Variants in NACC1 observed in about 807,000 individuals in gnomAD.
NACC1 encodes nucleus accumbens-associated protein 1.
A neutral mutation model predicts 41.7 loss-of-function variants in NACC1; 6 were observed. The observed-to-expected ratio is 0.14, with a 90% CI of 0.08 to 0.28. The LOEUF is 0.28. NACC1 is among the 10% of genes least tolerant of loss of function. The pLI is 1.00. For synonymous variants in NACC1, 338 were observed against 330.6 expected, an observed-to-expected ratio of 1.02 and a Z score of -0.24; for missense variants, 434 against 763.7, an observed-to-expected ratio of 0.57 and a Z score of 5.09.
chr19:13,127,647 A>T (rs1013343185), intron 1 of NACC1, among the ~76,000 whole-genome samples: 2 of 150,740 alleles, frequency 1.3e-5, no homozygotes, highest in African/African-American at 4.9e-5. Context: ...CCACCACTGC[A>T]CTCCAGCCTG....
chr19:13,126,034 G>T (rs1394781785), intron 1 of NACC1, among the ~76,000 whole-genome samples: 2 of 151,300 alleles, frequency 1.3e-5, no homozygotes, highest in Non-Finnish European at 2.9e-5. Context: ...ACCATACCTG[G>T]CTGAAAGGCC....
At chr19:13,125,595 T>TCACG (rs2019552066) in intron 1 of NACC1, among the ~76,000 whole-genome samples, 19 of 152,020 alleles carry the variant, frequency 1.2e-4, no homozygotes, top group Admixed American at 1.2e-3. Flanking sequence ...TAATTTTGTA[T>TCACG]TTTTAGTAGA....
chr19:13,134,047 A>T (rs970923757), intron 1 of NACC1, among the ~76,000 whole-genome samples: 1 of 151,994 alleles, frequency 6.6e-6, no homozygotes, highest in Non-Finnish European at 1.5e-5. Flanking sequence ...GTTTTCATGT[A>T]AGTTATTTAT....
chr19:13,129,402 G>A (rs2145618056), intron 1 of NACC1, among the ~76,000 whole-genome samples: 1 of 152,186 alleles, frequency 6.6e-6, no homozygotes, highest in South Asian at 2.1e-4. Context: ...CTTCTTGCAG[G>A]GGCCCACATA....
intron 1 of NACC1, among the ~76,000 whole-genome samples, chr19:13,125,430 T>A: frequency 7.6e-6 from 1 of 132,396 alleles, no homozygotes; most frequent in Non-Finnish European, 1.7e-5. Context: ...TTTTTTTTTT[T>A]TTTTGGTGAG....
rs752840729 is a variant in NACC1, at chr19:13,138,417, C to A, written c.*11C>A. The A allele has an allele frequency of 6.2e-7, 1 of 1,606,922 alleles. No homozygotes were observed. Among genetic ancestry groups the A allele is most frequent in the East Asian group, 2.2e-5 (1 of 44,826 alleles). On this transcript the variant is annotated 3_prime_UTR_variant, in exon 6 of 6. Coordinates refer to ENST00000292431, the MANE Select transcript of NACC1 (RefSeq NM_052876.4). This position sits in a 1 kb window ranked among gnomAD's most constrained non-coding sequence, Gnocchi z 5.7. ...GAAGCCCTGCAGTAACCCGCCCAGCCTCCCGCGGGGCCACACACTTCCCCT... is the reference window on the plus strand; with the variant it reads ...GAAGCCCTGCAGTAACCCGCCCAGCATCCCGCGGGGCCACACACTTCCCCT...
chr19:13,132,446 G>C (rs2019645890), intron 1 of NACC1: 1 of 151,628 alleles, frequency 6.6e-6, no homozygotes, highest in Non-Finnish European at 1.5e-5. Flanking sequence ...GGGATTACAG[G>C]CTTGAGTCAT....
chr19:13,123,341 C>T (rs1194133929), intron 1 of NACC1, among the ~76,000 whole-genome samples: 2 of 152,102 alleles, frequency 1.3e-5, no homozygotes, highest in African/African-American at 4.8e-5. Flanking sequence ...GGGCAGGCTG[C>T]GAGCTCCATG....
At chr19:13,117,228 G>A (rs1445758802), upstream of NACC1, 1 of 152,240 alleles carries the variant, frequency 6.6e-6, no homozygotes, top group Non-Finnish European at 1.5e-5. Flanking sequence ...TCTAACCAGT[G>A]TATGAAGGCA....
intron 1 of NACC1, among the ~76,000 whole-genome samples, chr19:13,124,907 C>A (rs1303096847): frequency 6.6e-6 from 1 of 151,668 alleles, no homozygotes; most frequent in Admixed American, 6.6e-5. Context: ...AGTGAGACCT[C>A]ATCTTTACAA....
Position 13,136,565 on chromosome 19 carries a change from T to G in NACC1, c.1120+160T>G, listed in dbSNP as rs1317139237. Among the ~76,000 whole-genome samples, 1 of 152,048 alleles carries G rather than the reference T, an allele frequency of 6.6e-6. No homozygotes were observed. Among genetic ancestry groups the G allele is most frequent in the Non-Finnish European group, 1.5e-5 (1 of 67,988 alleles). ...CCTAAGGGTGGGGGCGTTGGTGAGATGGAGGAGCTGATACAGCAAGGCCTG... is the reference window on the plus strand; with the variant it reads ...CCTAAGGGTGGGGGCGTTGGTGAGAGGGAGGAGCTGATACAGCAAGGCCTG... On this transcript the variant is annotated intron_variant, in intron 3 of 5. Transcript: ENST00000292431. This position sits in a 1 kb window ranked among gnomAD's most constrained non-coding sequence, Gnocchi z 5.5.
intron 1 of NACC1, chr19:13,132,502 A>C (rs1334637374): frequency 6.6e-6 from 1 of 151,894 alleles, no homozygotes; most frequent in African/African-American, 2.4e-5. Flanking sequence ...CTGGTGAATG[A>C]ATTTTTAGAT....
intron 1 of NACC1, among the ~76,000 whole-genome samples, chr19:13,127,371 CTTTTTTTTTTTTTTTTT>C (rs147514422): frequency 2.8e-3 from 81 of 28,524 alleles, no homozygotes; most frequent in Non-Finnish European, 4.7e-3. Flanking sequence ...TATACATATA[CTTTTTTTTTTTTTTTTT>C]TTTTTTTTTT....
rs1016341994 is a variant in NACC1, at chr19:13,139,460, G to A, written c.*1054G>A. ...CAGGGGTGGGGGGCCTTGGAAGGCA[G>A]GGCGGTGTTGGGGGGCTGGGGGGCA... On this transcript the variant is annotated 3_prime_UTR_variant, in exon 6 of 6. Coordinates refer to ENST00000292431, the MANE Select transcript of NACC1 (RefSeq NM_052876.4). 1 of 152,662 alleles carries A rather than the reference G, an allele frequency of 6.6e-6. No individual in the cohort carries two copies. The highest frequency in any genetic ancestry group is 2.4e-5 in the African/African-American group (1 of 41,442). 9.5% of individuals were successfully genotyped at this position (152,662 alleles called of 1,614,324 possible).
intron 1 of NACC1, among the ~76,000 whole-genome samples, chr19:13,121,822 C>A (rs941829665): frequency 6.6e-6 from 1 of 152,170 alleles, no homozygotes; most frequent in African/African-American, 2.4e-5. Context: ...AGCACTTGTA[C>A]ACACTCGAAC....
chr19:13,136,404 A>G lies in NACC1; in HGVS notation c.1119A>G (p.Thr373=), dbSNP rs2019707613. ...GDPSEKLELV[T]GTNVYITRAQ... is the part of the protein sequence containing the mutation. ...CCTCTGAGAAGCTGGAGCTGGTGAC[A>G]GGTGGGCCGGTCTCGCCCCAGATCT... is the stretch of plus-strand genomic sequence containing the variant. Residue 373 remains threonine (T), a splice_region_variant and synonymous_variant, in exon 3 of 6, where the codon ACA becomes ACG. Transcript: ENST00000292431. The surrounding 1 kb of genome is among the most constrained non-coding windows in gnomAD (Gnocchi z 5.5). 6.2e-7 allele frequency: 1 copy of G among 1,611,688 alleles called. No individual in the cohort carries two copies. The highest frequency in any genetic ancestry group is 8.5e-7 in the Non-Finnish European group (1 of 1,178,720).
chr19:13,133,371 A>T (rs2019658234), intron 1 of NACC1, among the ~76,000 whole-genome samples: 1 of 151,780 alleles, frequency 6.6e-6, no homozygotes, highest in African/African-American at 2.4e-5. Flanking sequence ...AAAAAAAGAA[A>T]AAAGAATAAA....
chr19:13,126,704 G>C (rs1025129005), intron 1 of NACC1, among the ~76,000 whole-genome samples: 1 of 152,124 alleles, frequency 6.6e-6, no homozygotes, highest in Non-Finnish European at 1.5e-5. Context: ...AAAGGAGGTC[G>C]TCTGTCTGCC....
At position 13,127,400 on chromosome 19, in the gene NACC1, T is replaced by TTTTTTTTC. The variant is rs1245933408; in HGVS notation, c.-8-7800_-8-7799insTTTTTTTC. On this transcript the variant is annotated intron_variant, in intron 1 of 5. Transcript: ENST00000292431. ...TTTTTTTTTTTTTTTTTTTTTTTTT[T>TTTTTTTTC]CGGTTAACTGGATGGGCCGGGTGCC... is the stretch of plus-strand genomic sequence containing the variant. Among the ~76,000 whole-genome samples the TTTTTTTTC allele has an allele frequency of 6.2e-4, 63 of 100,866 alleles. 3 individuals carry two copies. Among genetic ancestry groups the TTTTTTTTC allele is most frequent in the African/African-American group, 2.3e-3 (60 of 25,592 alleles). 66.2% of individuals were successfully genotyped at this position (100,866 alleles called of 152,430 possible). A position where few individuals can be genotyped will look rare whatever the true frequency, so the allele number is the denominator to read the frequency against.
Sources: gnomAD v4.1 joint callset for allele counts (sites outside exome capture counted in the v4.1 genomes callset) on GRCh38, gnomAD v4.1.1 for gene constraint, Gnocchi (gnomAD v3.1) non-coding constraint, MANE v1.5 for transcripts, NCBI Gene and HGNC (gene_info 2026-07-23, HGNC 2026-07-21) for gene names.